TEAD1: variants seen among roughly 807,000 people sequenced by gnomAD.
TEAD1 encodes the protein transcriptional enhancer factor TEF-1.
A neutral mutation model predicts 54.9 loss-of-function variants in TEAD1; 9 were observed. The observed-to-expected ratio is 0.16, with a 90% CI of 0.10 to 0.29. The LOEUF is 0.29. Ranked by LOEUF, TEAD1 falls within the 10% of genes least tolerant of loss-of-function variation. The pLI, the probability that TEAD1 is intolerant of heterozygous loss-of-function variation, is 1.00. For synonymous variants in TEAD1, 200 were observed against 187.8 expected, an observed-to-expected ratio of 1.07 and a Z score of -0.53; for missense variants, 387 against 535.9, an observed-to-expected ratio of 0.72 and a Z score of 2.74.
chr11:12,805,426 A>ATG (rs1219569649), intron 3 of TEAD1, among the ~76,000 whole-genome samples: 1 of 152,182 alleles, frequency 6.6e-6, no homozygotes, highest in Non-Finnish European at 1.5e-5. Flanking sequence ...TGTGGTTGTT[A>ATG]TGTCATAATT....
At chr11:12,824,274 A>G (rs1413090330) in intron 3 of TEAD1, among the ~76,000 whole-genome samples, 2 of 152,216 alleles carry the variant, frequency 1.3e-5, no homozygotes, top group African/African-American at 4.8e-5. Flanking sequence ...CTCTGCATAC[A>G]GTAAATATTC....
At chr11:12,899,870 T>C (rs1050460980) in intron 9 of TEAD1, among the ~76,000 whole-genome samples, 5 of 152,220 alleles carry the variant, frequency 3.3e-5, no homozygotes, top group African/African-American at 4.8e-5. Context: ...TCAGTTGCAC[T>C]GCCCCTTATA....
intron 2 of TEAD1, among the ~76,000 whole-genome samples, chr11:12,695,430 T>A (rs1420471425): frequency 6.6e-6 from 1 of 152,238 alleles, no homozygotes; most frequent in East Asian, 1.9e-4. Context: ...TATTTTTATT[T>A]GTCCTTCATT....
chr11:12,831,189 T>C lies in TEAD1; in HGVS notation c.203-31061T>C, dbSNP rs1240103210. 2.0e-5 allele frequency among the ~76,000 whole-genome samples: 3 copies of C among 152,298 alleles called. No homozygotes were observed. In the East Asian group the frequency reaches 5.8e-4, roughly 29 times the overall value. ...CTCCAGGAAGCCTTCCTTGTCTGGT[T>C]TTCTTCCTTCTAACTCTCCCCAGCC... On this transcript the variant is annotated intron_variant, in intron 3 of 12. Coordinates refer to ENST00000527636, the MANE Select transcript of TEAD1 (RefSeq NM_021961.6).
In TEAD1 at chr11:12,935,753, C is replaced by T. The variant is rs565790280; in HGVS notation, c.1168-1356C>T. 8.5e-5 allele frequency among the ~76,000 whole-genome samples: 13 copies of T among 152,232 alleles called. No individual in the cohort carries two copies. In the South Asian group the frequency reaches 1.7e-3, roughly 19 times the overall value. On this transcript the variant is annotated intron_variant, in intron 12 of 12. Transcript: ENST00000527636. ...GATTACAGGCGTGAGCCACCACGCC[C>T]GGCCCAGCAAATATTTATTAAATGA...
intron 11 of TEAD1, among the ~76,000 whole-genome samples, chr11:12,927,180 A>T (rs1439747943): frequency 6.6e-6 from 1 of 152,070 alleles, no homozygotes; most frequent in Non-Finnish European, 1.5e-5. Flanking sequence ...GGTGGTGTGC[A>T]TGGTAGGTGG....
chr11:12,841,318 A>G (rs1235743159), intron 3 of TEAD1, among the ~76,000 whole-genome samples: 2 of 152,186 alleles, frequency 1.3e-5, no homozygotes, highest in African/African-American at 4.8e-5. Flanking sequence ...GGCCATGCCT[A>G]TAATCGGTGC....
intron 3 of TEAD1, among the ~76,000 whole-genome samples, chr11:12,788,921 G>C (rs1358859389): frequency 2.6e-5 from 4 of 152,174 alleles, no homozygotes; most frequent in African/African-American, 4.8e-5. Context: ...TTTGTTTTAA[G>C]AGATGGGGTT....
At chr11:12,931,564 TTTTTG>T (rs964368293) in intron 12 of TEAD1, among the ~76,000 whole-genome samples, 17 of 152,280 alleles carry the variant, frequency 1.1e-4, no homozygotes, top group East Asian at 7.7e-4. Flanking sequence ...GTGTTCTGTT[TTTTTG>T]TTTTGTTTTG....
At chr11:12,818,508 T>C (rs1371755) in intron 3 of TEAD1, among the ~76,000 whole-genome samples, 152,185 of 152,266 alleles carry the variant, frequency 1, 76,052 homozygotes, top group Non-Finnish European at 1. Flanking sequence ...CTAATGGCCC[T>C]GAGTCCGGCA....
intron 3 of TEAD1, among the ~76,000 whole-genome samples, chr11:12,779,408 G>C (rs1357199254): frequency 1.3e-5 from 2 of 152,134 alleles, no homozygotes; most frequent in Non-Finnish European, 2.9e-5. Flanking sequence ...TTGGGAATAA[G>C]GGTTGTTGGG....
chr11:12,677,375 G>T (rs942081559), intron 2 of TEAD1, among the ~76,000 whole-genome samples: 7 of 152,066 alleles, frequency 4.6e-5, no homozygotes, highest in African/African-American at 1.7e-4. Flanking sequence ...GGCAGCCTGG[G>T]GGGAGTCGGC....
chr11:12,851,050 G>C, intron 3 of TEAD1: 1 of 949,456 alleles, frequency 1.1e-6, no homozygotes, highest in Non-Finnish European at 1.3e-6. Context: ...TCTTTTTCTA[G>C]ATCTTTTCTT....
At chr11:12,711,161 GA>G (rs1943928412) in intron 2 of TEAD1, among the ~76,000 whole-genome samples, 1 of 152,144 alleles carries the variant, frequency 6.6e-6, no homozygotes, top group Admixed American at 6.5e-5. Flanking sequence ...GATTGAAAGA[GA>G]AAGACGAGAG....
intron 3 of TEAD1, among the ~76,000 whole-genome samples, chr11:12,842,110 G>T (rs1947053561): frequency 6.6e-6 from 1 of 152,084 alleles, no homozygotes; most frequent in Non-Finnish European, 1.5e-5. Context: ...GTGAATCATG[G>T]GAACCTATTA....
At chr11:12,790,605 A>T (rs1384711864) in intron 3 of TEAD1, among the ~76,000 whole-genome samples, 1 of 152,222 alleles carries the variant, frequency 6.6e-6, no homozygotes, top group Non-Finnish European at 1.5e-5. Flanking sequence ...CCCCAGTATT[A>T]AAGAATCTCA....
chr11:12,712,159 C>T (rs555544342), intron 2 of TEAD1, among the ~76,000 whole-genome samples: 35 of 152,300 alleles, frequency 2.3e-4, no homozygotes, highest in Admixed American at 3.3e-4. Context: ...CACCCTTGTC[C>T]TCAAATATCT....
intron 2 of TEAD1, among the ~76,000 whole-genome samples, chr11:12,763,675 G>C (rs1376489301): frequency 6.6e-6 from 1 of 152,182 alleles, no homozygotes. Flanking sequence ...CACTTGCCAT[G>C]GTGAAGTGGA....
At chr11:12,920,952 T>C (rs1033179758) in intron 10 of TEAD1, among the ~76,000 whole-genome samples, 1 of 152,230 alleles carries the variant, frequency 6.6e-6, no homozygotes, top group Admixed American at 6.5e-5. Flanking sequence ...GGCTGTACTT[T>C]ATAGTACTGA....
Sources: allele counts gnomAD v4.1 joint callset (sites outside exome capture counted in the v4.1 genomes callset), GRCh38; gene constraint gnomAD v4.1.1; transcripts MANE v1.5; gene names NCBI Gene and HGNC (gene_info 2026-07-23, HGNC 2026-07-21).